The following NR5A2 variants were observed in gnomAD, a reference collection of about 807,000 sequenced individuals.
NR5A2 encodes CYP7A promoter-binding factor.
Under a neutral mutation model 62.7 loss-of-function variants are expected in NR5A2, and 26 were observed. The ratio of observed to expected loss-of-function variants is 0.41; its 90% CI spans 0.30 to 0.58. The LOEUF (loss-of-function observed/expected upper bound fraction) is 0.58. Among genes scored for constraint, NR5A2 ranks in the 20% least tolerant of loss-of-function variants. NR5A2 has a pLI of 0.22. For synonymous variants in NR5A2, 246 were observed against 241.7 expected (o/e 1.02, Z -0.16); for missense variants, 541 against 669.1 (o/e 0.81, Z 2.11).
chr1:200,168,822 A>T (rs1202623369), intron 7 of NR5A2, among the ~76,000 whole-genome samples: 1 of 152,234 alleles, frequency 6.6e-6, no homozygotes, highest in African/African-American at 2.4e-5. Flanking sequence ...AAAATTAGTT[A>T]TGCAGATTAT....
chr1:200,106,407 T>C (rs1413962959), intron 5 of NR5A2, among the ~76,000 whole-genome samples: 2 of 152,226 alleles, frequency 1.3e-5, no homozygotes, highest in Non-Finnish European at 2.9e-5. Flanking sequence ...ATTAACTTTC[T>C]GGGTTATGGG....
At chr1:200,088,627 T>C (rs749960916) in intron 5 of NR5A2, among the ~76,000 whole-genome samples, 1 of 152,058 alleles carries the variant, frequency 6.6e-6, no homozygotes, top group Non-Finnish European at 1.5e-5. Flanking sequence ...TGTGCAAAGC[T>C]CCCCTCCTGA....
intron 7 of NR5A2, among the ~76,000 whole-genome samples, chr1:200,150,062 A>ATGGT (rs1228713794): frequency 1.3e-5 from 2 of 152,178 alleles, no homozygotes; most frequent in East Asian, 3.9e-4. Flanking sequence ...GGATGGATGG[A>ATGGT]TGGATGGTTG....
intron 5 of NR5A2, among the ~76,000 whole-genome samples, chr1:200,097,329 G>A (rs1665147982): frequency 6.6e-6 from 1 of 151,932 alleles, no homozygotes; most frequent in South Asian, 2.1e-4. Context: ...AAAGGCAATG[G>A]GAAGGGATAC....
At chr1:200,145,164 G>T (rs1667631365) in intron 7 of NR5A2, among the ~76,000 whole-genome samples, 1 of 152,104 alleles carries the variant, frequency 6.6e-6, no homozygotes, top group Non-Finnish European at 1.5e-5. Flanking sequence ...ACAAAAATTA[G>T]CCAGGCGTGG....
At chr1:200,160,629 TTA>T (rs1653598783) in intron 7 of NR5A2, among the ~76,000 whole-genome samples, 2 of 152,118 alleles carry the variant, frequency 1.3e-5, no homozygotes, top group South Asian at 4.1e-4. Flanking sequence ...GCTAATATTT[TTA>T]ACAAGAACTG....
intron 5 of NR5A2, among the ~76,000 whole-genome samples, chr1:200,088,678 C>T (rs183067189): frequency 3.3e-5 from 5 of 152,290 alleles, no homozygotes; most frequent in Non-Finnish European, 5.9e-5. Context: ...TGTCTGTCAC[C>T]GTCCTACCTT....
intron 2 of NR5A2, among the ~76,000 whole-genome samples, chr1:200,042,605 G>A (rs1662155339): frequency 6.6e-6 from 1 of 152,236 alleles, no homozygotes; most frequent in South Asian, 2.1e-4. Context: ...GTGCGCCGTT[G>A]GGTAGCAGGA....
At chr1:200,167,633 CT>C (rs2102390449) in intron 7 of NR5A2, among the ~76,000 whole-genome samples, 2 of 152,324 alleles carry the variant, frequency 1.3e-5, no homozygotes, top group East Asian at 3.9e-4. Context: ...TTCTGCCTTG[CT>C]TTTGGAACAA....
intron 5 of NR5A2, among the ~76,000 whole-genome samples, chr1:200,065,401 C>T (rs757169692): frequency 1.1e-4 from 17 of 152,180 alleles, no homozygotes; most frequent in Non-Finnish European, 2.2e-4. Context: ...CCTCGGCCTC[C>T]CAAAATGTTG....
intron 5 of NR5A2, among the ~76,000 whole-genome samples, chr1:200,103,706 T>C (rs759998654): frequency 2.6e-5 from 4 of 152,266 alleles, no homozygotes; most frequent in Non-Finnish European, 5.9e-5. Context: ...CCTCAGTTTC[T>C]GGCTGCTGCA....
intron 7 of NR5A2, among the ~76,000 whole-genome samples, chr1:200,126,420 T>C (rs574766757): frequency 2.0e-5 from 3 of 152,188 alleles, no homozygotes; most frequent in Admixed American, 6.5e-5. Flanking sequence ...ACACAGTGTA[T>C]GTTTTACTCC....
At chr1:200,059,808 T>G (rs1344477671) in intron 5 of NR5A2, among the ~76,000 whole-genome samples, 1 of 152,180 alleles carries the variant, frequency 6.6e-6, no homozygotes, top group African/African-American at 2.4e-5. Context: ...GGGAAGTAGA[T>G]CATACAAATC....
intron 5 of NR5A2, among the ~76,000 whole-genome samples, chr1:200,105,330 A>G (rs1250813016): frequency 1.3e-5 from 2 of 152,130 alleles, no homozygotes; most frequent in Non-Finnish European, 2.9e-5. Flanking sequence ...AGAGAAAAAA[A>G]AAGTGATTCT....
intron 7 of NR5A2, among the ~76,000 whole-genome samples, chr1:200,141,901 T>C (rs1005001409): frequency 2.0e-5 from 3 of 152,216 alleles, no homozygotes; most frequent in Non-Finnish European, 4.4e-5. Context: ...TATATACTTT[T>C]ACTACAAGGT....
At chr1:200,110,058 C>T (rs1665870400) in intron 5 of NR5A2, among the ~76,000 whole-genome samples, 1 of 152,222 alleles carries the variant, frequency 6.6e-6, no homozygotes, top group African/African-American at 2.4e-5. Context: ...AGCCATTGTG[C>T]CTAGCCAATA....
At chr1:200,152,749 A>C (rs1339730422) in intron 7 of NR5A2, among the ~76,000 whole-genome samples, 1 of 152,132 alleles carries the variant, frequency 6.6e-6, no homozygotes, top group Non-Finnish European at 1.5e-5. Flanking sequence ...TGCACCCAAA[A>C]ATTATGTGAG....
intron 5 of NR5A2, among the ~76,000 whole-genome samples, chr1:200,060,890 T>C (rs1221325409): frequency 1.4e-5 from 2 of 141,980 alleles, no homozygotes; most frequent in Non-Finnish European, 3.0e-5. Context: ...GATCACGAGG[T>C]CAGGAGTTCG....
chr1:200,143,787 G>A (rs113160818), intron 7 of NR5A2, among the ~76,000 whole-genome samples: 27 of 151,632 alleles, frequency 1.8e-4, no homozygotes, highest in African/African-American at 4.6e-4. Flanking sequence ...GATTACAGGC[G>A]CGCGCCACCA....
Sources: allele counts gnomAD v4.1 joint callset (sites outside exome capture counted in the v4.1 genomes callset), GRCh38; gene constraint gnomAD v4.1.1; transcripts MANE v1.5; gene names NCBI Gene and HGNC (gene_info 2026-07-23, HGNC 2026-07-21).